ARHGAP29: variants seen among roughly 807,000 people sequenced by gnomAD.
The protein encoded by ARHGAP29 is Rho GTPase activating protein 29, also known as rho GTPase-activating protein 29.
In ARHGAP29, 43 loss-of-function variants were observed where a neutral mutation model predicts 122.6. That is an observed-to-expected ratio of 0.35 (90% CI 0.27 to 0.45). The LOEUF is 0.45. Ranked by LOEUF, ARHGAP29 falls within the 20% of genes least tolerant of loss-of-function variation. The probability of loss-of-function intolerance (pLI) is 1.00; values close to 1 mark genes in which losing one functional copy is unlikely to be tolerated. For missense variants in ARHGAP29, 1,303 were observed against 1,477.2 expected (o/e 0.88, Z 1.93); for synonymous variants, 506 against 497.1 (o/e 1.02, Z -0.24).
the ARHGAP29 span, among the ~76,000 whole-genome samples, chr1:94,310,857 C>G: frequency 2.6e-5 from 4 of 152,168 alleles, no homozygotes; most frequent in Non-Finnish European, 4.4e-5. Flanking sequence ...ACCTCACTTT[C>G]AATTCATGAA....
At chr1:94,214,292 G>A (rs78304855) in intron 3 of ARHGAP29, among the ~76,000 whole-genome samples, 1,941 of 152,252 alleles carry the variant, frequency 0.013, 23 homozygotes, top group African/African-American at 0.034. Flanking sequence ...TACACAATCT[G>A]TAGTTCATAG....
chr1:94,276,438 A>AT (rs71094288), upstream of ARHGAP29, among the ~76,000 whole-genome samples: 2,870 of 146,886 alleles, frequency 0.02, 92 homozygotes, highest in African/African-American at 0.067. Flanking sequence ...TGGTTTTTAG[A>AT]TTTTTTTTTT....
intron 18 of ARHGAP29, 79 bp downstream of exon 18, chr1:94,184,793 T>G (rs1255805178): frequency 8.3e-7 from 1 of 1,211,426 alleles, no homozygotes; most frequent in Non-Finnish European, 1.1e-6. Context: ...GAGCATTATT[T>G]TCCTTTAAAG....
At chr1:94,189,706 TTAAA>T (rs1650020098) in intron 13 of ARHGAP29, among the ~76,000 whole-genome samples, 1 of 152,150 alleles carries the variant, frequency 6.6e-6, no homozygotes, top group African/African-American at 2.4e-5. Flanking sequence ...TTTTTAATTC[TTAAA>T]TAAAAGAAGT....
intron 2 of ARHGAP29, among the ~76,000 whole-genome samples, chr1:94,223,525 T>C (rs1229855557): frequency 6.6e-6 from 1 of 152,136 alleles, no homozygotes. Context: ...AGTAGGCCCT[T>C]CATAAATGTT....
chr1:94,174,191 G>A lies in ARHGAP29; in HGVS notation c.3464C>T (p.Pro1155Leu). 6.2e-7 allele frequency: 1 copy of A among 1,614,170 alleles called. No individual in the cohort carries two copies. The highest frequency in any genetic ancestry group is 8.5e-7 in the Non-Finnish European group (1 of 1,180,022). The change falls in exon 23 of 23, where the codon CCC becomes CTC. Residue 1155 changes from proline (P) to leucine (L), a missense_variant. By Grantham distance (98) the Pro-to-Leu change is moderately conservative. Coordinates refer to ENST00000260526, the MANE Select transcript of ARHGAP29 (RefSeq NM_004815.4). The stretch of plus-strand genomic sequence containing the variant: ...CCAATGTTGAGGCTGCAGTGTTCTG[G>A]GTGCTCTGACAGGAGCGAGAGGGTA... ...DSYPLAPVRA[P>L]RTLQPQHWTT...
intron 1 of ARHGAP29, among the ~76,000 whole-genome samples, chr1:94,265,108 A>G (rs1170507794): frequency 6.6e-6 from 1 of 152,164 alleles, no homozygotes; most frequent in Admixed American, 6.5e-5. Flanking sequence ...AACGAACTCT[A>G]TTCCACTCCC....
At chr1:94,216,642 C>T (rs1006337225) in intron 3 of ARHGAP29, among the ~76,000 whole-genome samples, 2 of 152,010 alleles carry the variant, frequency 1.3e-5, no homozygotes, top group African/African-American at 4.8e-5. Context: ...ATCTTGGAGG[C>T]ATAATTAAGA....
At chr1:94,265,788 G>A (rs2100723565) in intron 1 of ARHGAP29, among the ~76,000 whole-genome samples, 1 of 152,282 alleles carries the variant, frequency 6.6e-6, no homozygotes, top group Admixed American at 6.5e-5. Context: ...TCAAGGGTGG[G>A]GGTGACTGGT....
At chr1:94,181,744 AAACAAC>A (rs375216269) in intron 19 of ARHGAP29, among the ~76,000 whole-genome samples, 12 of 152,096 alleles carry the variant, frequency 7.9e-5, no homozygotes, top group African/African-American at 2.4e-4. Context: ...AATGAGTAGA[AAACAAC>A]AACAACAACA....
chr1:94,206,158 T>C (rs570000298), intron 5 of ARHGAP29, among the ~76,000 whole-genome samples: 1 of 152,352 alleles, frequency 6.6e-6, no homozygotes, highest in African/African-American at 2.4e-5. Context: ...ATATCTGTAC[T>C]GTCCAATAAA....
chr1:94,204,110 T>C, intron 7 of ARHGAP29, 116 bp from the exon 8 acceptor site: 1 of 685,006 alleles, frequency 1.5e-6, no homozygotes, highest in Non-Finnish European at 2.4e-6. Context: ...TACTAGTGTG[T>C]ATCAAGATAT....
intron 12 of ARHGAP29, chr1:94,191,174 G>A (rs1650111199): frequency 6.6e-6 from 1 of 152,132 alleles, no homozygotes; most frequent in Admixed American, 6.6e-5. Context: ...ACTATGGCAA[G>A]GTGTCTGAAT....
the ARHGAP29 span, among the ~76,000 whole-genome samples, chr1:94,296,316 G>T: frequency 6.6e-6 from 1 of 152,136 alleles, no homozygotes; most frequent in African/African-American, 2.4e-5. Flanking sequence ...GTATGGCAGT[G>T]CTTGTGTTCA....
In ARHGAP29 at chr1:94,174,230, C is replaced by T. The variant is rs767180219; in HGVS notation, c.3425G>A (p.Arg1142Gln). 39 of 1,614,038 alleles carry T rather than the reference C, an allele frequency of 2.4e-5. No individual in the cohort carries two copies. The highest frequency in any genetic ancestry group is 6.7e-5 in the East Asian group (3 of 44,898). ...VRSVREASERRSSDSYPLAPV... is the reference protein window; with the variant it reads ...VRSVREASERQSSDSYPLAPV... ...AGCGAGAGGGTAGGAATCTGAAGAC[C>T]GTCTCTCAGATGCCTCTCTCACTGA... Residue 1142 changes from arginine (R) to glutamine (Q), a missense_variant, in exon 23 of 23, where the codon CGG becomes CAG. This residue lies in a region of ARHGAP29 where 620 missense variants were observed against 651.2 expected (regional missense o/e 0.95). Transcript: ENST00000260526.
At chr1:94,245,778 C>T (rs1653773285) in intron 1 of ARHGAP29, among the ~76,000 whole-genome samples, 1 of 152,158 alleles carries the variant, frequency 6.6e-6, no homozygotes, top group Non-Finnish European at 1.5e-5. Context: ...ACTAAATTTT[C>T]TTAGTGAATG....
rs558542040 is a variant in ARHGAP29, at chr1:94,223,088, C to T, written c.206-2696G>A. ...CCTCCCGAGTAGTTGGGACTACAGG[C>T]GCCCGCCACCACACCCAGCTAATTT... is the stretch of plus-strand genomic sequence containing the variant. On this transcript the variant is annotated intron_variant, in intron 2 of 22. Coordinates refer to ENST00000260526, the MANE Select transcript of ARHGAP29 (RefSeq NM_004815.4). Among the ~76,000 whole-genome samples, 1,071 of 152,084 alleles carry T rather than the reference C, an allele frequency of 7.0e-3. 15 individuals are homozygous for T. Among genetic ancestry groups the T allele is most frequent in the African/African-American group, 0.024 (1,008 of 41,478 alleles).
chr1:94,182,334 T>C (rs1224438311), intron 19 of ARHGAP29, among the ~76,000 whole-genome samples: 2 of 151,476 alleles, frequency 1.3e-5, no homozygotes, highest in Admixed American at 1.3e-4. Context: ...CCTGTCCAGG[T>C]TGTCAAGTAT....
chr1:94,212,283 A>C (rs1651673053), intron 3 of ARHGAP29, among the ~76,000 whole-genome samples: 1 of 152,136 alleles, frequency 6.6e-6, no homozygotes, highest in Admixed American at 6.5e-5. Flanking sequence ...GGGATTTTGC[A>C]GAATAAAAAT....
Sources: allele counts gnomAD v4.1 joint callset (sites outside exome capture counted in the v4.1 genomes callset), GRCh38; gene constraint gnomAD v4.1.1; regional missense constraint gnomAD v4.1.1; transcripts MANE v1.5; gene names NCBI Gene and HGNC (gene_info 2026-07-23, HGNC 2026-07-21).